Variants in GRM8 observed in about 807,000 individuals in gnomAD.
GRM8 encodes the protein metabotropic glutamate receptor 8.
A neutral mutation model predicts 87.2 loss-of-function variants in GRM8; 47 were observed. That is an observed-to-expected ratio of 0.54 (90% confidence interval 0.43 to 0.69). The LOEUF (loss-of-function observed/expected upper bound fraction) is 0.69, where lower values mean the gene tolerates loss of function less well. GRM8 is among the 30% of genes least tolerant of loss of function. The pLI, the probability that GRM8 is intolerant of heterozygous loss-of-function variation, is 0.00. For missense variants in GRM8, 1,019 were observed against 1,139.2 expected (o/e 0.89, Z 1.52); for synonymous variants, 396 against 404.5 (o/e 0.98, Z 0.25).
intron 3 of GRM8, among the ~76,000 whole-genome samples, chr7:126,914,094 A>G (rs1195445133): frequency 6.6e-6 from 1 of 152,214 alleles, no homozygotes. Context: ...AAGACAATCC[A>G]CTGTGAAACG....
rs1485577597 is a variant in GRM8 at position 126,533,216 on chromosome 7, G to C, written c.2166C>G (p.Ile722Met). 1 of 1,613,112 alleles carries C rather than the reference G, an allele frequency of 6.2e-7. No individual in the cohort carries two copies. Among genetic ancestry groups the C allele is most frequent in the Admixed American group, 1.7e-5 (1 of 59,892 alleles). ...GTGTCCGCTGCTCTCCATAGTCAAT[G>C]ATGATGTGGGGGGGATCCACAACAA... ...VWFVVDPPHI[I>M]IDYGEQRTLD... The change falls in exon 9 of 11, where the codon ATC becomes ATG. Residue 722 changes from isoleucine (I) to methionine (M), a missense_variant. Transcript: ENST00000339582.
intron 3 of GRM8, among the ~76,000 whole-genome samples, chr7:127,014,194 G>A (rs746045523): frequency 3.3e-5 from 5 of 152,176 alleles, no homozygotes; most frequent in Admixed American, 6.5e-5. Context: ...AATAGGGGCC[G>A]CTGGCCTCAA....
chr7:127,075,077 C>T (rs1469236248), intron 3 of GRM8, among the ~76,000 whole-genome samples: 3 of 152,150 alleles, frequency 2.0e-5, no homozygotes, highest in Non-Finnish European at 4.4e-5. Context: ...AGGAGTCTTA[C>T]TCATTTTGTA....
intron 3 of GRM8, among the ~76,000 whole-genome samples, chr7:126,969,666 C>T (rs1452720270): frequency 6.6e-6 from 1 of 152,164 alleles, no homozygotes; most frequent in African/African-American, 2.4e-5. Context: ...GCATCAACTT[C>T]TTCCAAACTT....
At chr7:126,994,686 GC>G (rs1240383885) in intron 3 of GRM8, among the ~76,000 whole-genome samples, 1 of 152,132 alleles carries the variant, frequency 6.6e-6, no homozygotes, top group Non-Finnish European at 1.5e-5. Context: ...AATGGAAAGA[GC>G]TTTGTCTTAT....
At chr7:126,660,150 G>A (rs914814354) in intron 7 of GRM8, among the ~76,000 whole-genome samples, 7 of 152,106 alleles carry the variant, frequency 4.6e-5, no homozygotes, top group Non-Finnish European at 7.4e-5. Context: ...GTTCCATTTA[G>A]TTCTTTTAAC....
At chr7:126,768,900 T>G (rs1219728142) in intron 7 of GRM8, among the ~76,000 whole-genome samples, 1 of 144,338 alleles carries the variant, frequency 6.9e-6, no homozygotes, top group African/African-American at 2.9e-5. Flanking sequence ...CCAAATTCTG[T>G]CTTAGGTTGC....
intron 3 of GRM8, among the ~76,000 whole-genome samples, chr7:127,070,443 C>T (rs1260473095): frequency 6.6e-6 from 1 of 152,016 alleles, no homozygotes; most frequent in Non-Finnish European, 1.5e-5. Context: ...AAGTTCACCA[C>T]CAGCTTTGAA....
At chr7:126,755,709 G>A (rs1320531690) in intron 7 of GRM8, among the ~76,000 whole-genome samples, 1 of 151,288 alleles carries the variant, frequency 6.6e-6, no homozygotes, top group Admixed American at 6.6e-5. Flanking sequence ...TTAGTACTTT[G>A]GAACTACCCT....
At chr7:127,246,630 G>C (rs1451110443) in intron 1 of GRM8, among the ~76,000 whole-genome samples, 1 of 152,038 alleles carries the variant, frequency 6.6e-6, no homozygotes, top group African/African-American at 2.4e-5. Context: ...TACATCATTG[G>C]GCCCTCCATG....
chr7:126,912,497 T>C lies in GRM8; in HGVS notation c.728-7814A>G, dbSNP rs188950081. Among the ~76,000 whole-genome samples, 132 of 152,320 alleles carry C rather than the reference T, an allele frequency of 8.7e-4. 2 individuals are homozygous for C. Among genetic ancestry groups the C allele is most frequent in the African/African-American group, 2.9e-3 (122 of 41,586 alleles). On this transcript the variant is annotated intron_variant, in intron 3 of 10. Coordinates refer to ENST00000339582, the MANE Select transcript of GRM8 (RefSeq NM_000845.3). ...TAAAACTTTTCATCCTCCATAATTA[T>C]GTAAGCCAGTATCTGACAAAAAATC...
chr7:127,239,881 T>G (rs371237216), intron 2 of GRM8, among the ~76,000 whole-genome samples: 1 of 152,344 alleles, frequency 6.6e-6, no homozygotes, highest in East Asian at 1.9e-4. Flanking sequence ...GACGGACTTT[T>G]GAATTACAGA....
chr7:126,908,419 G>GT (rs1802934065), intron 3 of GRM8, among the ~76,000 whole-genome samples: 1 of 152,174 alleles, frequency 6.6e-6, no homozygotes, highest in Non-Finnish European at 1.5e-5. Context: ...CTGCAAAAAT[G>GT]TAACATGAAG....
chr7:126,822,002 G>A (rs1251767840), intron 6 of GRM8, among the ~76,000 whole-genome samples: 1 of 151,938 alleles, frequency 6.6e-6, no homozygotes, highest in East Asian at 1.9e-4. Flanking sequence ...TTCTTCATTG[G>A]GGGTTTGTCT....
At chr7:126,761,667 A>G (rs892349239) in intron 7 of GRM8, among the ~76,000 whole-genome samples, 3 of 152,184 alleles carry the variant, frequency 2.0e-5, no homozygotes, top group Non-Finnish European at 4.4e-5. Context: ...AACTCGGCAC[A>G]GGTTTCTAAC....
intron 7 of GRM8, among the ~76,000 whole-genome samples, chr7:126,688,256 G>A (rs1205005457): frequency 6.6e-6 from 1 of 152,170 alleles, no homozygotes; most frequent in African/African-American, 2.4e-5. Context: ...TCAAAAAAAT[G>A]TCATAGATGG....
intron 3 of GRM8, among the ~76,000 whole-genome samples, chr7:126,969,006 G>A (rs1439771869): frequency 6.6e-6 from 1 of 152,170 alleles, no homozygotes; most frequent in African/African-American, 2.4e-5. Flanking sequence ...GCATATAAAA[G>A]TAATGTTTAG....
intron 6 of GRM8, among the ~76,000 whole-genome samples, chr7:126,816,209 T>C (rs1222001294): frequency 6.6e-6 from 1 of 152,086 alleles, no homozygotes; most frequent in African/African-American, 2.4e-5. Flanking sequence ...TCCAGATGGC[T>C]TACCTCCAGC....
chr7:127,038,195 C>T (rs1818025827), intron 3 of GRM8, among the ~76,000 whole-genome samples: 1 of 152,006 alleles, frequency 6.6e-6, no homozygotes, highest in African/African-American at 2.4e-5. Context: ...TTTGTTTTTC[C>T]CTTAGCATCT....
Sources: gnomAD v4.1 joint callset for allele counts (sites outside exome capture counted in the v4.1 genomes callset) on GRCh38, gnomAD v4.1.1 for gene constraint, MANE v1.5 for transcripts, NCBI Gene and HGNC (gene_info 2026-07-23, HGNC 2026-07-21) for gene names.